Variants in LHX8 observed in about 807,000 individuals in gnomAD.
LHX8 encodes LIM homeobox 8, also known as LIM/homeobox protein Lhx8.
Under a neutral mutation model 40.3 loss-of-function variants are expected in LHX8, and 12 were observed. The observed-to-expected ratio is 0.30, with a 90% CI of 0.19 to 0.48. The LOEUF (loss-of-function observed/expected upper bound fraction) is 0.48, where lower values mean the gene tolerates loss of function less well. LHX8 is among the 20% of genes least tolerant of loss of function. The pLI is 0.99. For missense variants in LHX8, 344 were observed against 433.7 expected (o/e 0.79, Z 1.84); for synonymous variants, 179 against 162.0 (o/e 1.10, Z -0.80).
At chr1:75,168,257 T>C in the LHX8 span, among the ~76,000 whole-genome samples, 3 of 152,158 alleles carry the variant, frequency 2.0e-5, no homozygotes, top group Non-Finnish European at 2.9e-5. Context: ...AGTTTCACTC[T>C]TGTTGCCCAG....
the LHX8 span, among the ~76,000 whole-genome samples, chr1:75,194,461 C>G: frequency 1.2e-4 from 19 of 152,312 alleles, no homozygotes. Flanking sequence ...AGATAACACA[C>G]TTATTAGGCA....
At chr1:75,165,702 T>C (rs1415926111), downstream of LHX8, among the ~76,000 whole-genome samples, 2 of 152,138 alleles carry the variant, frequency 1.3e-5, no homozygotes, top group Non-Finnish European at 2.9e-5. Flanking sequence ...ACTCAGGGAT[T>C]GAATGAGGGT....
At chr1:75,185,125 C>CA in the LHX8 span, among the ~76,000 whole-genome samples, 8,774 of 148,340 alleles carry the variant, frequency 0.059, 762 homozygotes, top group African/African-American at 0.19. Flanking sequence ...GCCTACTAGC[C>CA]AAAAAAAAAG....
chr1:75,150,512 C>T (rs933049373), intron 7 of LHX8, among the ~76,000 whole-genome samples: 21 of 151,920 alleles, frequency 1.4e-4, no homozygotes, highest in South Asian at 6.3e-4. Flanking sequence ...GAGAGGAGAG[C>T]AGGGTAAGAG....
chr1:75,152,848 T>C (rs578111567), intron 7 of LHX8, among the ~76,000 whole-genome samples: 1 of 152,328 alleles, frequency 6.6e-6, no homozygotes, highest in African/African-American at 2.4e-5. Flanking sequence ...GAAAATCTCA[T>C]TGATTTTATT....
At chr1:75,150,068 C>T (rs1322888403) in intron 7 of LHX8, among the ~76,000 whole-genome samples, 1 of 151,964 alleles carries the variant, frequency 6.6e-6, no homozygotes, top group Non-Finnish European at 1.5e-5. Flanking sequence ...ATGGTGAAAC[C>T]CCATCTCTAC....
At chr1:75,154,176 C>A (rs1648691177) in intron 7 of LHX8, among the ~76,000 whole-genome samples, 1 of 152,164 alleles carries the variant, frequency 6.6e-6, no homozygotes, top group Non-Finnish European at 1.5e-5. Flanking sequence ...ATACTTGATT[C>A]TGAAGCTGGG....
the LHX8 span, among the ~76,000 whole-genome samples, chr1:75,172,470 T>A: frequency 2.0e-5 from 3 of 152,224 alleles, no homozygotes; most frequent in Admixed American, 2.0e-4. Flanking sequence ...AAAGACTGAC[T>A]GAATAAGAAG....
At chr1:75,154,515 A>G (rs1422519741) in intron 7 of LHX8, among the ~76,000 whole-genome samples, 1 of 151,916 alleles carries the variant, frequency 6.6e-6, no homozygotes, top group African/African-American at 2.4e-5. Flanking sequence ...ATAGTGCAAC[A>G]TGTTTTAGGT....
chr1:75,190,781 T>C, the LHX8 span, among the ~76,000 whole-genome samples: 1 of 152,218 alleles, frequency 6.6e-6, no homozygotes, highest in Non-Finnish European at 1.5e-5. Context: ...AATGTTACAA[T>C]GTTTAAAAAT....
intron 3 of LHX8, among the ~76,000 whole-genome samples, chr1:75,139,388 T>G (rs1648249727): frequency 6.6e-6 from 1 of 152,116 alleles, no homozygotes; most frequent in African/African-American, 2.4e-5. Flanking sequence ...GACAACCAGG[T>G]CTGGCTTTAG....
At chr1:75,180,647 C>T in the LHX8 span, among the ~76,000 whole-genome samples, 2 of 152,170 alleles carry the variant, frequency 1.3e-5, no homozygotes, top group African/African-American at 4.8e-5. Flanking sequence ...CCTTCTTTAG[C>T]TCGGAGAAGT....
At chr1:75,170,668 G>A in the LHX8 span, among the ~76,000 whole-genome samples, 1 of 152,136 alleles carries the variant, frequency 6.6e-6, no homozygotes, top group Non-Finnish European at 1.5e-5. Context: ...AGACTGGGGA[G>A]GTATTAGAAA....
At chr1:75,154,020 T>C (rs1648686383) in intron 7 of LHX8, among the ~76,000 whole-genome samples, 1 of 152,244 alleles carries the variant, frequency 6.6e-6, no homozygotes, top group South Asian at 2.1e-4. Context: ...TGCTTTTCCA[T>C]TATATCTACA....
chr1:75,158,752 G>A (rs1181235450), intron 8 of LHX8, among the ~76,000 whole-genome samples: 1 of 151,926 alleles, frequency 6.6e-6, no homozygotes, highest in Non-Finnish European at 1.5e-5. Context: ...AATCATGGTA[G>A]GTCTATAATT....
At chr1:75,188,599 T>C in the LHX8 span, among the ~76,000 whole-genome samples, 107 of 152,324 alleles carry the variant, frequency 7.0e-4, no homozygotes, top group African/African-American at 2.4e-3. Context: ...TTTGTCCTTA[T>C]GGAGCCCATT....
At position 75,134,968 on chromosome 1, in the gene LHX8, T is replaced by G. The variant is rs1315086601; in HGVS notation, c.-13+14T>G. ...TCTCAGGTCCATGTGAGTCGTGCTT[T>G]TGTTCTATTTGCTGTGGTGATCGTG... On this transcript the variant is annotated intron_variant, in intron 1 of 8. Transcript: ENST00000356261. The G allele has an allele frequency of 1.0e-6, 1 of 983,020 alleles. No individual in the cohort carries two copies. Among genetic ancestry groups the G allele is most frequent in the African/African-American group, 1.8e-5 (1 of 57,118 alleles). The allele number at this position is 983,020 out of a possible 1,614,324, so 60.9% of individuals were successfully genotyped here.
At chr1:75,187,445 G>A in the LHX8 span, among the ~76,000 whole-genome samples, 1 of 152,128 alleles carries the variant, frequency 6.6e-6, no homozygotes, top group Non-Finnish European at 1.5e-5. Context: ...TATAAGACTT[G>A]TCCGCAGCAT....
At chr1:75,179,499 G>GTTTTTTTTTTTTTTT in the LHX8 span, among the ~76,000 whole-genome samples, 3 of 107,182 alleles carry the variant, frequency 2.8e-5, no homozygotes, top group Admixed American at 9.9e-5. Flanking sequence ...TGCAACCCCT[G>GTTTTTTTTTTTTTTT]TTGTTTTTTT....
Sources: allele counts gnomAD v4.1 joint callset (sites outside exome capture counted in the v4.1 genomes callset), GRCh38; gene constraint gnomAD v4.1.1; transcripts MANE v1.5; gene names NCBI Gene and HGNC (gene_info 2026-07-23, HGNC 2026-07-21).